PDLIM5: variants seen among roughly 807,000 people sequenced by gnomAD.
The protein encoded by PDLIM5 is PDZ and LIM domain 5.
Under a neutral mutation model 64.2 loss-of-function variants are expected in PDLIM5, and 34 were observed. That is an observed-to-expected ratio of 0.53 (90% CI 0.40 to 0.71). The LOEUF (loss-of-function observed/expected upper bound fraction) is 0.71, where lower values mean the gene tolerates loss of function less well. Among genes scored for constraint, PDLIM5 ranks in the 30% least tolerant of loss-of-function variants. The pLI, the probability that PDLIM5 is intolerant of heterozygous loss-of-function variation, is 0.00. For synonymous variants in PDLIM5, 253 were observed against 269.1 expected (o/e 0.94, Z 0.59); for missense variants, 683 against 733.6 (o/e 0.93, Z 0.80).
chr4:94,577,481 A>G, intron 5 of PDLIM5: 1 of 381,306 alleles, frequency 2.6e-6, no homozygotes, highest in Non-Finnish European at 5.1e-6. Context: ...ATATATATAT[A>G]TATTGAGGAA....
intron 7 of PDLIM5, among the ~76,000 whole-genome samples, chr4:94,600,487 T>A (rs568798380): frequency 1.2e-3 from 188 of 152,330 alleles, no homozygotes; most frequent in Non-Finnish European, 2.4e-3. Flanking sequence ...AACAGGTAAC[T>A]TGACTTAACA....
chr4:94,491,493 G>A (rs1034837652), intron 2 of PDLIM5, among the ~76,000 whole-genome samples: 1 of 151,982 alleles, frequency 6.6e-6, no homozygotes, highest in Non-Finnish European at 1.5e-5. Flanking sequence ...TTGTTAACTG[G>A]ATGAATTCAT....
chr4:94,658,277 G>A (rs1017649781), intron 11 of PDLIM5, among the ~76,000 whole-genome samples: 3 of 152,160 alleles, frequency 2.0e-5, no homozygotes, highest in African/African-American at 7.2e-5. Context: ...TACTTTTACT[G>A]AATGAGAAGG....
intron 3 of PDLIM5, among the ~76,000 whole-genome samples, chr4:94,572,774 A>G (rs1333594250): frequency 6.6e-6 from 1 of 152,212 alleles, no homozygotes; most frequent in East Asian, 1.9e-4. Flanking sequence ...TAGTAGAAGG[A>G]CCTACAGTTT....
chr4:94,463,339 A>G (rs1323927391), intron 2 of PDLIM5, among the ~76,000 whole-genome samples: 3 of 152,212 alleles, frequency 2.0e-5, no homozygotes, highest in African/African-American at 7.2e-5. Context: ...CTGATAGCCT[A>G]CTGTTGATCA....
chr4:94,458,149 G>T (rs1212260698), intron 2 of PDLIM5, among the ~76,000 whole-genome samples: 1 of 152,058 alleles, frequency 6.6e-6, no homozygotes, highest in Non-Finnish European at 1.5e-5. Flanking sequence ...TGGTAAGATT[G>T]TTAATGTTAT....
At chr4:94,585,851 T>A in intron 6 of PDLIM5, 114 bp downstream of exon 6, 1 of 769,730 alleles carries the variant, frequency 1.3e-6, no homozygotes, top group Non-Finnish European at 2.2e-6. Flanking sequence ...GCTTTTAAAT[T>A]ATGCTGTGCA....
chr4:94,459,112 T>A (rs1222222130), intron 2 of PDLIM5, among the ~76,000 whole-genome samples: 1 of 152,136 alleles, frequency 6.6e-6, no homozygotes, highest in Non-Finnish European at 1.5e-5. Flanking sequence ...TAACAAGAAA[T>A]AGGAGACTTG....
chr4:94,573,409 A>G lies in PDLIM5; in HGVS notation c.291+16A>G. The G allele has an allele frequency of 1.3e-6, 2 of 1,596,784 alleles. No homozygotes were observed. Among genetic ancestry groups the G allele is most frequent in the Middle Eastern group, 1.7e-4 (1 of 6,026 alleles). ...TGTTCAAAAGGTGTGTTTTTAAGCT[A>G]GCACCCAGAGTATCACTTGATTGTC... On this transcript the variant is annotated intron_variant, in intron 4 of 12. Transcript: ENST00000317968.
At chr4:94,564,387 C>T (rs1423412577) in intron 3 of PDLIM5, among the ~76,000 whole-genome samples, 1 of 152,178 alleles carries the variant, frequency 6.6e-6, no homozygotes, top group Non-Finnish European at 1.5e-5. Flanking sequence ...CCCAGCTTTT[C>T]CTGGAACCTT....
chr4:94,586,086 T>A (rs936267133), intron 6 of PDLIM5, among the ~76,000 whole-genome samples: 30 of 152,098 alleles, frequency 2.0e-4, no homozygotes, highest in African/African-American at 7.0e-4. Context: ...AGGAGAATCA[T>A]TTGAACCGGG....
At chr4:94,503,210 C>G (rs1266883738) in intron 2 of PDLIM5, among the ~76,000 whole-genome samples, 3 of 152,100 alleles carry the variant, frequency 2.0e-5, no homozygotes, top group Non-Finnish European at 4.4e-5. Context: ...GGGTGGCAAG[C>G]AAATTACTTT....
chr4:94,619,718 C>T (rs993363700), intron 8 of PDLIM5, among the ~76,000 whole-genome samples: 1 of 152,214 alleles, frequency 6.6e-6, no homozygotes, highest in African/African-American at 2.4e-5. Flanking sequence ...TCATAGCTCA[C>T]TGTAGCCTCA....
intron 1 of PDLIM5, 39 bp from the exon 2 acceptor site, chr4:94,455,208 A>G (rs1209870829): frequency 6.2e-6 from 5 of 804,906 alleles, no homozygotes; most frequent in East Asian, 2.5e-5. Flanking sequence ...TAGGGTTTCA[A>G]GTAAACATTT....
At chr4:94,529,267 T>C (rs902146454) in intron 3 of PDLIM5, among the ~76,000 whole-genome samples, 3 of 152,136 alleles carry the variant, frequency 2.0e-5, no homozygotes, top group Non-Finnish European at 2.9e-5. Flanking sequence ...TCAATAGTGG[T>C]GGCGCTGCCT....
At chr4:94,456,277 C>T in intron 2 of PDLIM5, 1 of 508,556 alleles carries the variant, frequency 2.0e-6, no homozygotes, top group Non-Finnish European at 3.5e-6. Context: ...CGGCTCACCA[C>T]AACCTCCATC....
At chr4:94,659,508 G>C (rs899042098) in intron 11 of PDLIM5, among the ~76,000 whole-genome samples, 1 of 150,156 alleles carries the variant, frequency 6.7e-6, no homozygotes. Flanking sequence ...GTGTGTGTGT[G>C]TGTGTGTGTG....
chr4:94,501,437 G>T (rs1410300494), intron 2 of PDLIM5, among the ~76,000 whole-genome samples: 3 of 152,104 alleles, frequency 2.0e-5, no homozygotes, highest in Non-Finnish European at 2.9e-5. Flanking sequence ...CCAGTGTAGT[G>T]CTAATCAAAG....
intron 2 of PDLIM5, among the ~76,000 whole-genome samples, chr4:94,514,381 A>G (rs1460322488): frequency 5.3e-5 from 8 of 151,476 alleles, no homozygotes; most frequent in Middle Eastern, 3.2e-3. Flanking sequence ...TGATCTGCCC[A>G]CCTTGGCCTC....
Sources: allele counts gnomAD v4.1 joint callset (sites outside exome capture counted in the v4.1 genomes callset), GRCh38; gene constraint gnomAD v4.1.1; transcripts MANE v1.5; gene names NCBI Gene and HGNC (gene_info 2026-07-23, HGNC 2026-07-21).